PRDM1: variants seen among roughly 807,000 people sequenced by gnomAD.
PRDM1 encodes the protein PR/SET domain 1.
Under a neutral mutation model 62.8 loss-of-function variants are expected in PRDM1, and 13 were observed. The ratio of observed to expected loss-of-function variants is 0.21; its 90% CI spans 0.13 to 0.33. The LOEUF (loss-of-function observed/expected upper bound fraction) is 0.33, where lower values mean the gene tolerates loss of function less well. Ranked by LOEUF, PRDM1 falls within the 10% of genes least tolerant of loss-of-function variation. The pLI, the probability that PRDM1 is intolerant of heterozygous loss-of-function variation, is 1.00. For missense variants in PRDM1, 895 were observed against 1,058.8 expected (o/e 0.85, Z 2.15); for synonymous variants, 396 against 417.6 (o/e 0.95, Z 0.63).
intron 1 of PRDM1, 116 bp downstream of exon 1, chr6:106,086,711 G>A (rs2114614714): frequency 1.1e-6 from 1 of 936,892 alleles, no homozygotes; most frequent in Non-Finnish European, 1.6e-6. Flanking sequence ...GTAGAAACAT[G>A]CTTCTGCTTT....
At chr6:106,021,302 C>T (rs1365038889) in intron 1 of PRDM1, among the ~76,000 whole-genome samples, 1 of 152,158 alleles carries the variant, frequency 6.6e-6, no homozygotes, top group Non-Finnish European at 1.5e-5. Context: ...TACTCTTATT[C>T]CAATTTCAGT....
intron 4 of PRDM1, 51 bp downstream of exon 4, chr6:106,099,603 T>A: frequency 6.2e-7 from 1 of 1,600,426 alleles, no homozygotes; most frequent in Admixed American, 1.7e-5. Flanking sequence ...ATGTCGGTTC[T>A]GCCCCTTTGA....
intron 1 of PRDM1, among the ~76,000 whole-genome samples, chr6:106,048,902 C>T (rs1773124038): frequency 1.3e-5 from 2 of 152,000 alleles, no homozygotes; most frequent in East Asian, 1.9e-4. Flanking sequence ...GATCTCGGCT[C>T]ACTGCAATCT....
At chr6:106,064,459 G>T (rs1773394800) in intron 1 of PRDM1, among the ~76,000 whole-genome samples, 1 of 152,162 alleles carries the variant, frequency 6.6e-6, no homozygotes, top group African/African-American at 2.4e-5. Context: ...AAGAGGATTT[G>T]CCAAATGACT....
Position 106,095,721 on chromosome 6 carries a change from A to T in PRDM1, c.398A>T (p.Lys133Ile). The change falls in exon 3 of 7, where the codon AAA (lysine) becomes ATA (isoleucine). Residue 133 changes from lysine (K) to isoleucine (I), a missense_variant. This residue lies in a region of PRDM1 where 213 missense variants were observed against 283.9 expected (regional missense o/e 0.75). Transcript: ENST00000369096. ...NDTVPKNANRKYFWRIYSRGE... is the reference protein window; with the variant it reads ...NDTVPKNANRIYFWRIYSRGE... ...ACAGTTCCTAAGAACGCCAACAGGA[A>T]ATATTTTTGGAGGGTAAGTAAGGGA... is the stretch of plus-strand genomic sequence containing the variant. 6.2e-7 allele frequency: 1 copy of T among 1,613,976 alleles called. No homozygotes were observed. The highest frequency in any genetic ancestry group is 8.5e-7 in the Non-Finnish European group (1 of 1,179,960).
rs756143283 is a variant in PRDM1, at chr6:106,028,918, C to CTT, written c.-67+35299_-67+35300dup. ...TTCCCTATGTTTTCTTTCTTTCCTT[C>CTT]TTTTTTTTTTTTTTTTTTTTTGAGA... On this transcript the variant is annotated intron_variant, in intron 1 of 6. Coordinates refer to the PRDM1 transcript ENST00000652320. Among the ~76,000 whole-genome samples, 408 of 124,240 alleles carry CTT rather than the reference C, an allele frequency of 3.3e-3. 3 individuals are homozygous for CTT. The highest frequency in any genetic ancestry group is 5.8e-3 in the African/African-American group (189 of 32,616). 81.5% of individuals were successfully genotyped at this position (124,240 alleles called of 152,430 possible).
intron 1 of PRDM1, among the ~76,000 whole-genome samples, chr6:106,067,147 C>G (rs1191537898): frequency 6.6e-6 from 1 of 152,214 alleles, no homozygotes; most frequent in Non-Finnish European, 1.5e-5. Flanking sequence ...CCATTACAAA[C>G]AGCCTCATAG....
At chr6:106,002,972 A>G (rs1772444492) in intron 1 of PRDM1, among the ~76,000 whole-genome samples, 1 of 151,864 alleles carries the variant, frequency 6.6e-6, no homozygotes, top group South Asian at 2.1e-4. Flanking sequence ...TTTTTACTTT[A>G]TTATAATGCA....
chr6:105,995,770 G>A (rs1268252256), intron 1 of PRDM1, among the ~76,000 whole-genome samples: 2 of 151,892 alleles, frequency 1.3e-5, no homozygotes, highest in Non-Finnish European at 2.9e-5. Context: ...TAATTAGGAG[G>A]CACAATGAAG....
At chr6:106,033,697 T>A (rs1422080132) in intron 1 of PRDM1, among the ~76,000 whole-genome samples, 1 of 152,098 alleles carries the variant, frequency 6.6e-6, no homozygotes, top group Non-Finnish European at 1.5e-5. Flanking sequence ...GGGATATTGG[T>A]CTGCAGTTTT....
intron 1 of PRDM1, among the ~76,000 whole-genome samples, chr6:106,055,591 G>T (rs770472290): frequency 6.6e-6 from 1 of 152,174 alleles, no homozygotes; most frequent in Non-Finnish European, 1.5e-5. Context: ...CAGTTAATAC[G>T]TAAGGGACCT....
At chr6:106,096,882 G>A (rs1237941393) in intron 3 of PRDM1, among the ~76,000 whole-genome samples, 1 of 152,100 alleles carries the variant, frequency 6.6e-6, no homozygotes, top group East Asian at 1.9e-4. Flanking sequence ...TACATGAAAT[G>A]TACATTATTT....
At chr6:106,105,964 C>T in intron 5 of PRDM1, 31 bp downstream of exon 5, 1 of 1,587,626 alleles carries the variant, frequency 6.3e-7, no homozygotes, top group Non-Finnish European at 8.6e-7. Flanking sequence ...GTCCAAGGGG[C>T]TGTGAGTGCA....
intron 1 of PRDM1, among the ~76,000 whole-genome samples, chr6:106,012,525 C>T (rs1354460168): frequency 6.6e-6 from 1 of 151,854 alleles, no homozygotes; most frequent in Non-Finnish European, 1.5e-5. Flanking sequence ...TACACACATG[C>T]ACACACTGGC....
chr6:106,075,840 C>G (rs571264439), intron 1 of PRDM1, among the ~76,000 whole-genome samples: 1 of 151,922 alleles, frequency 6.6e-6, no homozygotes, highest in Non-Finnish European at 1.5e-5. Context: ...TACAGGCATG[C>G]GACACTGCGC....
intron 1 of PRDM1, among the ~76,000 whole-genome samples, chr6:106,029,434 C>T (rs776728985): frequency 1.3e-5 from 2 of 152,152 alleles, no homozygotes; most frequent in Admixed American, 6.5e-5. Flanking sequence ...GTCAGTAGAT[C>T]AAATATGCAT....
chr6:106,024,429 C>T (rs1192976168), intron 1 of PRDM1, among the ~76,000 whole-genome samples: 1 of 152,142 alleles, frequency 6.6e-6, no homozygotes, highest in Admixed American at 6.6e-5. Context: ...AAAATACTCT[C>T]GACACCTTAT....
Position 106,105,254 on chromosome 6 carries a change from C to T in PRDM1, c.1094C>T (p.Pro365Leu), listed in dbSNP as rs1167500080. Residue 365 changes from proline to leucine, a missense_variant, in exon 5 of 7, where the codon CCC becomes CTC. Pro to Leu is a moderately conservative substitution (Grantham distance 98, BLOSUM62 -3). Transcript: ENST00000369096. ...GGGAATACGGTGTCCCCTGTGGGCC[C>T]CGGCTCTCAAGAGCACCGGGACTCC... is the stretch of plus-strand genomic sequence containing the variant. ...SPGNTVSPVG[P>L]GSQEHRDSYA... The T allele has an allele frequency of 1.2e-6, 2 of 1,613,782 alleles. No individual in the cohort carries two copies. Among genetic ancestry groups the T allele is most frequent in the South Asian group, 1.1e-5 (1 of 91,076 alleles).
At chr6:106,038,967 T>A (rs1192159267) in intron 1 of PRDM1, among the ~76,000 whole-genome samples, 1 of 152,210 alleles carries the variant, frequency 6.6e-6, no homozygotes, top group East Asian at 1.9e-4. Context: ...TCACACACAT[T>A]TTTATTCTTC....
Sources: allele counts gnomAD v4.1 joint callset (sites outside exome capture counted in the v4.1 genomes callset), GRCh38; gene constraint gnomAD v4.1.1; regional missense constraint gnomAD v4.1.1; transcripts MANE v1.5; gene names NCBI Gene and HGNC (gene_info 2026-07-23, HGNC 2026-07-21).